Variants in STK33 observed in about 807,000 individuals in gnomAD.
The protein encoded by STK33 is serine/threonine-protein kinase 33.
Under a neutral mutation model 58.0 loss-of-function variants are expected in STK33, and 52 were observed. That is an observed-to-expected ratio of 0.90 (90% CI 0.72 to 1.13). The LOEUF (loss-of-function observed/expected upper bound fraction) is 1.13, where lower values mean the gene tolerates loss of function less well. Among genes scored for constraint, STK33 ranks in the 50% most tolerant of loss-of-function variants. The probability of loss-of-function intolerance (pLI) is 0.00; values close to 1 mark genes in which losing one functional copy is unlikely to be tolerated. For missense variants in STK33, 630 were observed against 604.2 expected (o/e 1.04, Z -0.45); for synonymous variants, 215 against 200.1 (o/e 1.07, Z -0.63).
chr11:8,505,673 C>G (rs532641153), intron 1 of STK33, among the ~76,000 whole-genome samples: 18 of 152,314 alleles, frequency 1.2e-4, no homozygotes, highest in African/African-American at 4.3e-4. Context: ...TTCCTCAGAC[C>G]GTAAGCGCTA....
intron 1 of STK33, among the ~76,000 whole-genome samples, chr11:8,582,666 A>C (rs2030607085): frequency 6.6e-6 from 1 of 152,198 alleles, no homozygotes; most frequent in Non-Finnish European, 1.5e-5. Context: ...ATTCAATATG[A>C]GATTTGGGTG....
At chr11:8,555,257 G>A (rs568439298) in intron 1 of STK33, 2 of 152,486 alleles carry the variant, frequency 1.3e-5, no homozygotes, top group South Asian at 4.1e-4. Flanking sequence ...GAGGGGAATA[G>A]GAGGGAAGGA....
chr11:8,491,403 A>G (rs1397875511), intron 1 of STK33, among the ~76,000 whole-genome samples: 1 of 152,212 alleles, frequency 6.6e-6, no homozygotes, highest in Non-Finnish European at 1.5e-5. Context: ...AAAAAAGAGT[A>G]AACAGAAATG....
In STK33 at chr11:8,575,226, T is replaced by C. The variant is rs765726416; in HGVS notation, c.-466+18857A>G. ...AAGAGCTAAACATAAAATTACCACA[T>C]GACCAGCAATTCTACTCCTAGGTAT... On this transcript the variant is annotated intron_variant, in intron 1 of 15. Coordinates refer to ENST00000687296, the MANE Select transcript of STK33 (RefSeq NM_001352389.2). Among the ~76,000 whole-genome samples, 13 of 152,212 alleles carry C rather than the reference T, an allele frequency of 8.5e-5. No individual in the cohort carries two copies. In the South Asian group the frequency reaches 1.4e-3, roughly 17 times the overall value.
rs569537024 is a variant in STK33, at chr11:8,476,424, G to A, written c.-162+263C>T. ...AAATTTTGTTGAATTTTGCCTATAC[G>A]GTCCCAAATAAACGTACTCTTCACT... On this transcript the variant is annotated intron_variant, in intron 4 of 15. Transcript: ENST00000687296. Among the ~76,000 whole-genome samples, 8 of 152,196 alleles carry A rather than the reference G, an allele frequency of 5.3e-5. No homozygotes were observed. In the South Asian group the frequency reaches 8.3e-4, roughly 16 times the overall value.
intron 1 of STK33, among the ~76,000 whole-genome samples, chr11:8,579,427 T>A (rs1022101943): frequency 6.6e-6 from 1 of 152,054 alleles, no homozygotes; most frequent in African/African-American, 2.4e-5. Flanking sequence ...ATCTCAGAAA[T>A]GGAAGATCCT....
chr11:8,462,036 T>C, intron 7 of STK33, 127 bp from the exon 8 acceptor site: 1 of 602,384 alleles, frequency 1.7e-6, no homozygotes, highest in Non-Finnish European at 2.7e-6. Flanking sequence ...ATTCATACAT[T>C]TTTTGAGATG....
At chr11:8,422,588 A>G (rs1942086749) in intron 14 of STK33, among the ~76,000 whole-genome samples, 1 of 152,164 alleles carries the variant, frequency 6.6e-6, no homozygotes, top group African/African-American at 2.4e-5. Flanking sequence ...CTTGTAGAAG[A>G]TTTTGAACTA....
At chr11:8,473,333 G>A in intron 5 of STK33, 57 bp from the exon 6 acceptor site, 7 of 1,017,746 alleles carry the variant, frequency 6.9e-6, no homozygotes, top group Non-Finnish European at 1.0e-5. Flanking sequence ...ATTCTTTGTT[G>A]ACAAAGAATC....
intron 1 of STK33, among the ~76,000 whole-genome samples, chr11:8,492,249 G>C (rs1228125501): frequency 2.0e-5 from 3 of 151,724 alleles, no homozygotes; most frequent in African/African-American, 4.8e-5. Context: ...GATGGAGGAA[G>C]ATCTACCAAG....
the STK33 span, among the ~76,000 whole-genome samples, chr11:8,351,089 C>CT: frequency 6.6e-6 from 1 of 152,112 alleles, no homozygotes; most frequent in African/African-American, 2.4e-5. Flanking sequence ...GATAGGACAA[C>CT]TAACTACCCC....
chr11:8,446,707 A>C (rs760912004), intron 11 of STK33, among the ~76,000 whole-genome samples: 11 of 152,228 alleles, frequency 7.2e-5, no homozygotes, highest in Non-Finnish European at 1.3e-4. Context: ...GATAGAAACA[A>C]GCAATGGGGA....
At chr11:8,387,977 T>C (rs1372020661), downstream of STK33, among the ~76,000 whole-genome samples, 1 of 152,190 alleles carries the variant, frequency 6.6e-6, no homozygotes, top group African/African-American at 2.4e-5. Context: ...ATGGCCCCTG[T>C]ATCAATGCCC....
At chr11:8,462,609 G>C (rs111749635) in intron 7 of STK33, among the ~76,000 whole-genome samples, 1 of 151,686 alleles carries the variant, frequency 6.6e-6, no homozygotes, top group South Asian at 2.1e-4. Context: ...GAGACAGACA[G>C]ACAAAGAGAG....
chr11:8,473,962 C>T lies in STK33; in HGVS notation c.226-686G>A, dbSNP rs185267384. 7.2e-5 allele frequency among the ~76,000 whole-genome samples: 11 copies of T among 152,160 alleles called. No individual in the cohort carries two copies. In the East Asian group the frequency reaches 1.5e-3, roughly 21 times the overall value. On this transcript the variant is annotated intron_variant, in intron 5 of 15. Transcript: ENST00000687296. ...CCAAGGTGGGTGGATCACCTGAGGTCGGGAGTTCAAGACCAGCCTGACCAA... is the reference window on the plus strand; with the variant it reads ...CCAAGGTGGGTGGATCACCTGAGGTTGGGAGTTCAAGACCAGCCTGACCAA...
At chr11:8,487,322 T>C (rs777868932) in intron 1 of STK33, among the ~76,000 whole-genome samples, 24 of 148,680 alleles carry the variant, frequency 1.6e-4, no homozygotes, top group Non-Finnish European at 3.0e-4. Context: ...CTCAGGAGGC[T>C]GACATAGGAG....
intron 1 of STK33, among the ~76,000 whole-genome samples, chr11:8,500,966 T>C (rs1015425177): frequency 6.0e-5 from 9 of 149,024 alleles, no homozygotes; most frequent in African/African-American, 2.2e-4. Flanking sequence ...TTTCAGCAAA[T>C]GGTGCTGGGA....
chr11:8,486,887 A>T (rs1374032507), intron 1 of STK33, among the ~76,000 whole-genome samples: 1 of 152,204 alleles, frequency 6.6e-6, no homozygotes, highest in East Asian at 1.9e-4. Context: ...TTGGTAACTA[A>T]TCAGTTATGA....
chr11:8,348,518 C>T, the STK33 span, among the ~76,000 whole-genome samples: 3 of 152,128 alleles, frequency 2.0e-5, no homozygotes, highest in Non-Finnish European at 4.4e-5. Flanking sequence ...TATTACCTCC[C>T]ATCAGATACC....
Sources: allele counts gnomAD v4.1 joint callset (sites outside exome capture counted in the v4.1 genomes callset), GRCh38; gene constraint gnomAD v4.1.1; transcripts MANE v1.5; gene names NCBI Gene and HGNC (gene_info 2026-07-23, HGNC 2026-07-21).